The following ZFHX3 variants were observed in gnomAD, a reference collection of about 807,000 sequenced individuals.
ZFHX3 encodes the protein zinc finger homeobox protein 3.
A neutral mutation model predicts 279.1 loss-of-function variants in ZFHX3; 42 were observed. The ratio of observed to expected loss-of-function variants is 0.15; its 90% CI spans 0.12 to 0.19. The LOEUF is 0.19. ZFHX3 is among the 10% of genes least tolerant of loss of function. The probability of loss-of-function intolerance (pLI) is 1.00; values close to 1 mark genes in which losing one functional copy is unlikely to be tolerated. For synonymous variants in ZFHX3, 2,293 were observed against 1,957.8 expected (o/e 1.17, Z -4.52); for missense variants, 4,981 against 4,754.0 (o/e 1.05, Z -1.40).
chr16:73,568,359 A>G (rs963892471), intron 2 of ZFHX3, among the ~76,000 whole-genome samples: 2 of 151,988 alleles, frequency 1.3e-5, no homozygotes, highest in South Asian at 2.1e-4. Flanking sequence ...TCATCTTTCC[A>G]TTTGTAACAG....
At chr16:73,794,982 C>T (rs1213006562) in intron 1 of ZFHX3, among the ~76,000 whole-genome samples, 2 of 152,196 alleles carry the variant, frequency 1.3e-5, no homozygotes, top group African/African-American at 4.8e-5. Context: ...TTCATAAACA[C>T]ACCCAGGACT....
intron 2 of ZFHX3, among the ~76,000 whole-genome samples, chr16:73,623,022 T>A (rs1228166539): frequency 7.0e-6 from 1 of 143,766 alleles, no homozygotes; most frequent in African/African-American, 2.5e-5. Flanking sequence ...ACTGTAAAAT[T>A]CAGAAGGGCA....
intron 1 of ZFHX3, among the ~76,000 whole-genome samples, chr16:73,055,847 T>TACACACACACACAC (rs10672414): frequency 0.032 from 4,439 of 138,584 alleles, 71 homozygotes; most frequent in Middle Eastern, 0.043. Context: ...CCTACAACTC[T>TACACACACACACAC]ACACACACAC....
At chr16:73,501,787 G>A (rs2019243335) in intron 2 of ZFHX3, among the ~76,000 whole-genome samples, 2 of 152,140 alleles carry the variant, frequency 1.3e-5, no homozygotes, top group Admixed American at 6.5e-5. Context: ...TGGAGAAGAT[G>A]GAAGCTCAGT....
At chr16:73,771,840 G>A (rs769322863) in intron 1 of ZFHX3, among the ~76,000 whole-genome samples, 20 of 149,564 alleles carry the variant, frequency 1.3e-4, no homozygotes, top group African/African-American at 3.3e-4. Context: ...CTGCCATCCC[G>A]GAAGATGGTG....
chr16:73,544,700 T>C (rs1403726564), intron 2 of ZFHX3, among the ~76,000 whole-genome samples: 1 of 151,998 alleles, frequency 6.6e-6, no homozygotes, highest in East Asian at 1.9e-4. Flanking sequence ...GTTTCGGCAA[T>C]CCAGGGAGTG....
intron 3 of ZFHX3, among the ~76,000 whole-genome samples, chr16:72,926,154 T>C (rs1170014328): frequency 6.6e-6 from 1 of 152,248 alleles, no homozygotes; most frequent in Non-Finnish European, 1.5e-5. Flanking sequence ...AGGAATAATG[T>C]TGTTATGGGT....
intron 3 of ZFHX3, among the ~76,000 whole-genome samples, chr16:73,348,726 G>A (rs2016167218): frequency 6.6e-6 from 1 of 152,228 alleles, no homozygotes; most frequent in Admixed American, 6.5e-5. Flanking sequence ...TCATTTGGGA[G>A]GCTCTTGTGG....
At chr16:73,215,444 T>C (rs1209753637) in intron 5 of ZFHX3, among the ~76,000 whole-genome samples, 1 of 152,256 alleles carries the variant, frequency 6.6e-6, no homozygotes, top group African/African-American at 2.4e-5. Context: ...AGGCAGCTGC[T>C]GCCAAGACTA....
intron 1 of ZFHX3, among the ~76,000 whole-genome samples, chr16:73,819,511 T>C (rs1424435437): frequency 6.6e-6 from 1 of 152,150 alleles, no homozygotes; most frequent in Non-Finnish European, 1.5e-5. Flanking sequence ...CCACAAACTT[T>C]AAGTCTTAGG....
At chr16:72,849,458 GCCACGATCCTGCCAAGATGGTGC>G (rs544393682) in intron 4 of ZFHX3, among the ~76,000 whole-genome samples, 64 of 152,236 alleles carry the variant, frequency 4.2e-4, no homozygotes, top group Non-Finnish European at 8.5e-4. Flanking sequence ...TGAAGATGAG[GCCACGATCCTGCCAAGATGGTGC>G]CCACGATCCT....
chr16:73,850,572 C>G lies in ZFHX3; in HGVS notation c.-1608+41079G>C, dbSNP rs185611954. On this transcript the variant is annotated intron_variant, in intron 1 of 17. Transcript: ENST00000641206. ...AGAGAAAGGAGTAAGTTAGAATGTG[C>G]TTTCAGGTGAAGTCTCCTTTCATTC... 1.4e-3 allele frequency among the ~76,000 whole-genome samples: 206 copies of G among 152,268 alleles called. 1 individual carries two copies. Among genetic ancestry groups the G allele is most frequent in the African/African-American group, 4.7e-3 (197 of 41,542 alleles).
At chr16:73,147,137 T>C (rs1301727467) in intron 5 of ZFHX3, among the ~76,000 whole-genome samples, 2 of 152,200 alleles carry the variant, frequency 1.3e-5, no homozygotes, top group Non-Finnish European at 2.9e-5. Context: ...GCCATGCCAA[T>C]ATGGTATGAT....
chr16:73,159,433 G>A (rs1247758221), intron 5 of ZFHX3, among the ~76,000 whole-genome samples: 2 of 152,166 alleles, frequency 1.3e-5, no homozygotes, highest in African/African-American at 4.8e-5. Context: ...AACTGGAAAA[G>A]TATGTGTGCA....
At chr16:72,820,239 G>T (rs2036748902) in intron 5 of ZFHX3, among the ~76,000 whole-genome samples, 1 of 152,228 alleles carries the variant, frequency 6.6e-6, no homozygotes. Flanking sequence ...GGTGGGTGCT[G>T]CTGCTTGCTC....
intron 3 of ZFHX3, among the ~76,000 whole-genome samples, chr16:73,391,847 C>T (rs1304043882): frequency 6.6e-6 from 1 of 152,110 alleles, no homozygotes; most frequent in African/African-American, 2.4e-5. Context: ...AGATGATGCA[C>T]ACAACCGGGG....
chr16:72,902,179 C>T (rs1411262265), intron 3 of ZFHX3, among the ~76,000 whole-genome samples: 1 of 152,162 alleles, frequency 6.6e-6, no homozygotes, highest in Non-Finnish European at 1.5e-5. Flanking sequence ...TACAATTGCT[C>T]CAAGATGTCA....
intron 5 of ZFHX3, among the ~76,000 whole-genome samples, chr16:73,185,750 G>A (rs1967894189): frequency 6.6e-6 from 1 of 152,114 alleles, no homozygotes; most frequent in Non-Finnish European, 1.5e-5. Flanking sequence ...AATTATTAAG[G>A]ACAGGACACG....
intron 5 of ZFHX3, among the ~76,000 whole-genome samples, chr16:72,827,721 T>C (rs1021571103): frequency 6.6e-6 from 1 of 152,208 alleles, no homozygotes; most frequent in African/African-American, 2.4e-5. Context: ...TGAGCACAGA[T>C]GTCCATCCTC....
Sources: allele counts gnomAD v4.1 joint callset (sites outside exome capture counted in the v4.1 genomes callset), GRCh38; gene constraint gnomAD v4.1.1; transcripts MANE v1.5; gene names NCBI Gene and HGNC (gene_info 2026-07-23, HGNC 2026-07-21).